ZBTB20: variants seen among roughly 807,000 people sequenced by gnomAD.
ZBTB20 encodes the protein zinc finger and BTB domain-containing protein 20.
ZBTB20 carries 9 observed loss-of-function variants against 56.9 expected under a neutral mutation model. The ratio of observed to expected loss-of-function variants is 0.16; its 90% CI spans 0.10 to 0.28. The LOEUF (loss-of-function observed/expected upper bound fraction) is 0.28. Among genes scored for constraint, ZBTB20 ranks in the 10% least tolerant of loss-of-function variants. The pLI is 1.00. For missense variants in ZBTB20, 655 were observed against 1,003.0 expected (o/e 0.65, Z 4.69); for synonymous variants, 417 against 420.7 (o/e 0.99, Z 0.11).
Position 114,380,312 on chromosome 3 carries a change from C to G in ZBTB20, c.104G>C (p.Cys35Ser). The G allele has an allele frequency of 6.5e-7, 1 of 1,537,168 alleles. No homozygotes were observed. The highest frequency in any genetic ancestry group is 1.2e-5 in the South Asian group (1 of 84,058). The change falls in exon 10 of 12, where the codon TGC (cysteine) becomes TCC (serine). Residue 35 changes from cysteine to serine, a missense_variant. Transcript: ENST00000675478. ...GGSSAKPGLPCLNFEAVLSPD... is the reference protein window; with the variant it reads ...GGSSAKPGLPSLNFEAVLSPD... ...AGACAAAACAGCTTCAAAGTTCAGG[C>G]AGGGAAGGCCCGGCTTGGCGCTGGA...
chr3:114,581,102 C>T (rs926607853), intron 6 of ZBTB20, among the ~76,000 whole-genome samples: 3 of 151,714 alleles, frequency 2.0e-5, no homozygotes, highest in African/African-American at 4.8e-5. Context: ...AACAGTCCAT[C>T]GGATCAAATA....
At chr3:115,064,385 A>T (rs955559606) in intron 2 of ZBTB20, among the ~76,000 whole-genome samples, 4 of 149,494 alleles carry the variant, frequency 2.7e-5, no homozygotes, top group South Asian at 2.1e-4. Flanking sequence ...CTACCCTTAT[A>T]CGTAATTGGT....
At chr3:115,119,604 T>C (rs948307483) in intron 1 of ZBTB20, among the ~76,000 whole-genome samples, 7 of 152,306 alleles carry the variant, frequency 4.6e-5, no homozygotes, top group East Asian at 3.8e-4. Flanking sequence ...TACAAACACT[T>C]AGTGCTAGGT....
At chr3:115,107,032 G>A (rs2083742859) in intron 1 of ZBTB20, among the ~76,000 whole-genome samples, 1 of 152,198 alleles carries the variant, frequency 6.6e-6, no homozygotes, top group South Asian at 2.1e-4. Context: ...AAAATGTATT[G>A]TCACATATTA....
At chr3:114,412,747 T>A (rs2088101814) in intron 7 of ZBTB20, among the ~76,000 whole-genome samples, 1 of 152,158 alleles carries the variant, frequency 6.6e-6, no homozygotes, top group South Asian at 2.1e-4. Context: ...TCACTTTTAG[T>A]GGAACAAATT....
intron 6 of ZBTB20, among the ~76,000 whole-genome samples, chr3:114,524,590 A>C (rs1460490008): frequency 6.6e-6 from 1 of 152,048 alleles, no homozygotes; most frequent in Non-Finnish European, 1.5e-5. Flanking sequence ...CCTCTCTCTC[A>C]CTTTCCATCT....
At chr3:114,713,911 G>A (rs1167893008) in intron 5 of ZBTB20, 1 of 152,468 alleles carries the variant, frequency 6.6e-6, no homozygotes, top group Non-Finnish European at 1.5e-5. Context: ...TAATATTTAT[G>A]CCTCCCAGGC....
In ZBTB20 at chr3:114,855,242, T is replaced by A. The variant is rs571064402; in HGVS notation, c.-417+45062A>T. 3.3e-5 allele frequency among the ~76,000 whole-genome samples: 5 copies of A among 152,312 alleles called. No individual in the cohort carries two copies. The South Asian group carries it at 1.0e-3, about 32-fold the overall frequency. On this transcript the variant is annotated intron_variant, in intron 4 of 11. Transcript: ENST00000675478. Reference sequence around the variant, plus strand: ...CTCTTTATCATTTGTGAACCTTTCGTAATTATTTAATGGAGGTCTTCAAAC... The same window carrying A: ...CTCTTTATCATTTGTGAACCTTTCGAAATTATTTAATGGAGGTCTTCAAAC...
chr3:114,355,832 G>GAAAAA (rs373101988), intron 10 of ZBTB20, among the ~76,000 whole-genome samples: 1 of 144,156 alleles, frequency 6.9e-6, no homozygotes, highest in Admixed American at 6.9e-5. Flanking sequence ...GGCTATTCAA[G>GAAAAA]AAAAAAAAAA....
In ZBTB20 at chr3:114,618,238, CTTTTT is replaced by C. The variant is rs111549198; in HGVS notation, c.-295+75285_-295+75289del. Among the ~76,000 whole-genome samples, 59 of 119,292 alleles carry C rather than the reference CTTTTT, an allele frequency of 4.9e-4. 2 individuals carry two copies. The Admixed American group carries it at 5.5e-3, about 11-fold the overall frequency. 78.3% of individuals were successfully genotyped at this position (119,292 alleles called of 152,430 possible). A position where few individuals can be genotyped will look rare whatever the true frequency, so the allele number is the denominator to read the frequency against. ...GTAGGGATTCAAAAATGTTTCTTTC[CTTTTT>C]TTTTTTTTTTTTGGTTTGTTTTTTG... On this transcript the variant is annotated intron_variant, in intron 6 of 11. Coordinates refer to ENST00000675478, the MANE Select transcript of ZBTB20 (RefSeq NM_001348800.3).
At chr3:114,578,532 A>G (rs899696917) in intron 6 of ZBTB20, among the ~76,000 whole-genome samples, 2 of 151,964 alleles carry the variant, frequency 1.3e-5, no homozygotes, top group African/African-American at 4.8e-5. Flanking sequence ...ACTACAAGAT[A>G]TTTAGGATAT....
At chr3:115,052,081 G>A (rs1576656264) in intron 2 of ZBTB20, among the ~76,000 whole-genome samples, 1 of 152,216 alleles carries the variant, frequency 6.6e-6, no homozygotes, top group East Asian at 1.9e-4. Context: ...AGATTTGGGT[G>A]GGGACACAGA....
At chr3:114,815,971 T>C (rs1276791925) in intron 4 of ZBTB20, among the ~76,000 whole-genome samples, 8 of 152,050 alleles carry the variant, frequency 5.3e-5, no homozygotes, top group Non-Finnish European at 7.4e-5. Context: ...GAACTGAGAG[T>C]CAGCTACGCC....
intron 1 of ZBTB20, among the ~76,000 whole-genome samples, chr3:115,136,872 G>T (rs2084665048): frequency 6.6e-6 from 1 of 152,070 alleles, no homozygotes; most frequent in Non-Finnish European, 1.5e-5. Flanking sequence ...AAAAACATGA[G>T]TGTTCAAAGG....
At position 114,753,389 on chromosome 3, in the gene ZBTB20, A is replaced by ACACG. The variant is rs1228097634; in HGVS notation, c.-343+47711_-343+47712insCGTG. Among the ~76,000 whole-genome samples the ACACG allele has an allele frequency of 2.3e-4, 7 of 30,168 alleles. 2 individuals are homozygous for ACACG. In the East Asian group the frequency reaches 0.016, roughly 68 times the overall value. The allele number at this position is 30,168 out of a possible 152,430, so 19.8% of individuals were successfully genotyped here. On this transcript the variant is annotated intron_variant, in intron 5 of 11. Transcript: ENST00000675478. ...GTATATATAATGTATATACACATACATGTATGTATATATATACACACACGT... is the reference window on the plus strand; with the variant it reads ...GTATATATAATGTATATACACATACACACGTGTATGTATATATATACACACACGT...
At chr3:115,130,007 G>A (rs914678632) in intron 1 of ZBTB20, among the ~76,000 whole-genome samples, 1 of 152,134 alleles carries the variant, frequency 6.6e-6, no homozygotes, top group Non-Finnish European at 1.5e-5. Flanking sequence ...TCCATTAAGT[G>A]TAAAAAATGC....
intron 4 of ZBTB20, among the ~76,000 whole-genome samples, chr3:114,831,799 G>A (rs6438225): frequency 0.83 from 125,031 of 151,514 alleles, 54,065 homozygotes; most frequent in East Asian, 0.98. Context: ...AAACACTCCA[G>A]ATGAAAGATC....
intron 6 of ZBTB20, among the ~76,000 whole-genome samples, chr3:114,645,360 C>T (rs1376639672): frequency 6.6e-6 from 1 of 152,120 alleles, no homozygotes; most frequent in African/African-American, 2.4e-5. Flanking sequence ...ATGAATATCA[C>T]TGAAAGCATT....
intron 5 of ZBTB20, among the ~76,000 whole-genome samples, chr3:114,785,963 T>C (rs1381760842): frequency 6.6e-6 from 1 of 152,114 alleles, no homozygotes; most frequent in African/African-American, 2.4e-5. Flanking sequence ...GCAATCACCA[T>C]TTTATTCTTT....
Sources: gnomAD v4.1 joint callset for allele counts (sites outside exome capture counted in the v4.1 genomes callset) on GRCh38, gnomAD v4.1.1 for gene constraint, MANE v1.5 for transcripts, NCBI Gene and HGNC (gene_info 2026-07-23, HGNC 2026-07-21) for gene names.